Variants in BEX5 observed in about 807,000 individuals in gnomAD.
BEX5 encodes brain expressed X-linked 5, also known as protein BEX5.
Under a neutral mutation model 1.4 loss-of-function variants are expected in BEX5, and 2 were observed. That is an observed-to-expected ratio of 1.42 (90% CI 0.58 to 4.47). The LOEUF (loss-of-function observed/expected upper bound fraction) is 4.47. BEX5 is among the 30% of genes most tolerant of loss of function. The pLI, the probability that BEX5 is intolerant of heterozygous loss-of-function variation, is 0.06. For missense variants in BEX5, 97 were observed against 87.3 expected (o/e 1.11, Z -0.44); for synonymous variants, 32 against 30.0 (o/e 1.07, Z -0.21).
intron 2 of BEX5, 32 bp from the exon 3 acceptor site, chrX:102,154,334 A>C: frequency 1.0e-6 from 1 of 959,618 alleles, no homozygotes; most frequent in Non-Finnish European, 1.4e-6. Context: ...GAGGGAATGA[A>C]TGCTTGATAG....
Position 102,153,979 on chromosome X carries a change from C to T in BEX5, c.287G>A (p.Gly96Glu). 1.7e-6 allele frequency: 2 copies of T among 1,209,864 alleles called. No homozygotes were observed. Among genetic ancestry groups the T allele is most frequent in the Non-Finnish European group, 2.2e-6 (2 of 894,852 alleles). ...QLRYSLRILI[G>E]DPPHHDHHDE... is the part of the protein sequence containing the mutation. The stretch of plus-strand genomic sequence containing the variant: ...ATGATGATCATGGTGAGGAGGGTCC[C>T]CTATAAGAATGCGCAGACTGTACCT... Residue 96 changes from glycine (G) to glutamate (E), a missense_variant, in exon 3 of 3, where the codon GGG (glycine) becomes GAG (glutamate). Gly to Glu is a moderately conservative substitution (Grantham distance 98). Transcript: ENST00000333643.
rs267606293 is a variant in BEX5 at position 102,154,047 on chromosome X, C to T, written c.219G>A (p.Glu73=). 4.1e-6 allele frequency: 5 copies of T among 1,207,453 alleles called. No homozygotes were observed. In the African/African-American group the frequency reaches 8.9e-5, roughly 21 times the overall value. Residue 73 remains glutamate (E), a synonymous_variant, in exon 3 of 3, where the codon GAG becomes GAA. Coordinates refer to ENST00000333643, the MANE Select transcript of BEX5 (RefSeq NM_001012978.3). ...GDGDDMERFM[E]EMRELRRKIR... The stretch of plus-strand genomic sequence containing the variant: ...TTTTCCTCCTTAGCTCTCTCATCTC[C>T]TCCATGAACCGTTCCATATCATCTC...
chrX:102,154,712 C>T (rs1933231203), intron 2 of BEX5, 32 bp downstream of exon 2: 1 of 115,257 alleles, frequency 8.7e-6, no homozygotes, highest in Non-Finnish European at 1.8e-5. Context: ...CCTTGATACC[C>T]CTACACCAGA....
intron 1 of BEX5, chrX:102,155,483 C>G (rs1933242277): frequency 1.8e-5 from 2 of 111,964 alleles, no homozygotes; most frequent in Admixed American, 1.9e-4. Context: ...GCCCCCGCAG[C>G]CTATCATTTC....
Position 102,154,116 on chromosome X carries a change from C to A in BEX5, c.150G>T (p.Val50=). The A allele has an allele frequency of 5.0e-6, 6 of 1,210,816 alleles. No homozygotes were observed. The highest frequency in any genetic ancestry group is 6.7e-6 in the Non-Finnish European group (6 of 895,375). The change falls in exon 3 of 3, where the codon GTG becomes GTT. Residue 50 remains valine, a synonymous_variant. Transcript: ENST00000333643. ...CAATGTTATCGACAAGCCTATTGGG[C>A]ACATCCTCTCCAAAACCCGGGGCAG... ...APPAPGFGED[V]PNRLVDNIDM...
rs1556369594 is a variant in BEX5, at chrX:102,154,020, A to C, written c.246T>G (p.Ile82Met). 2 of 1,207,233 alleles carry C rather than the reference A, an allele frequency of 1.7e-6. No homozygotes were observed. The highest frequency in any genetic ancestry group is 3.6e-5 in the African/African-American group (2 of 56,327). The change falls in exon 3 of 3, where the codon ATT becomes ATG. Residue 82 changes from isoleucine (I) to methionine (M), a missense_variant. Ile to Met is a conservative substitution (Grantham distance 10). Transcript: ENST00000333643. Reference protein sequence around the residue: ...MEEMRELRRKIRELQLRYSLR... With the variant: ...MEEMRELRRKMRELQLRYSLR... ...GACTGTACCTCAACTGAAGTTCCCTAATTTTCCTCCTTAGCTCTCTCATCT... is the reference window on the plus strand; with the variant it reads ...GACTGTACCTCAACTGAAGTTCCCTCATTTTCCTCCTTAGCTCTCTCATCT...
chrX:102,155,825 C>T (rs1055600238), intron 1 of BEX5, 34 bp downstream of exon 1: 7 of 86,346 alleles, frequency 8.1e-5, no homozygotes, highest in African/African-American at 3.1e-4. Context: ...GGTCTTTGCC[C>T]TCTGCTGCTC....
Position 102,154,293 on chromosome X carries a change from T to G in BEX5, c.-28A>C. 4.5e-6 allele frequency: 5 copies of G among 1,111,447 alleles called. No homozygotes were observed. Among genetic ancestry groups the G allele is most frequent in the Non-Finnish European group, 6.0e-6 (5 of 836,069 alleles). The allele number at this position is 1,111,447 out of a possible 1,213,427, so 91.6% of individuals were successfully genotyped here. A position where few individuals can be genotyped will look rare whatever the true frequency, so the allele number is the denominator to read the frequency against. On this transcript the variant is annotated 5_prime_UTR_variant, in exon 3 of 3. Transcript: ENST00000333643. ...TGAGTTTTTTTCCTGTTTTTTTTTTTTTTTTCTTCCTAGAAGATAAAAAGC... is the reference window on the plus strand; with the variant it reads ...TGAGTTTTTTTCCTGTTTTTTTTTTGTTTTTCTTCCTAGAAGATAAAAAGC...
chrX:102,154,074 A>G lies in BEX5; in HGVS notation c.192T>C (p.Asp64=). 1 of 1,209,278 alleles carries G rather than the reference A, an allele frequency of 8.3e-7. No individual in the cohort carries two copies. Among genetic ancestry groups the G allele is most frequent in the African/African-American group, 1.8e-5 (1 of 56,983 alleles). Residue 64 remains aspartate, a synonymous_variant, in exon 3 of 3, where the codon GAT becomes GAC. Coordinates refer to ENST00000333643, the MANE Select transcript of BEX5 (RefSeq NM_001012978.3). ...CCATGAACCGTTCCATATCATCTCC[A>G]TCTCCATCTATCATATCAATGTTAT... ...LVDNIDMIDG[D]GDDMERFMEE...
intron 1 of BEX5, among the ~76,000 whole-genome samples, chrX:102,155,246 G>A (rs1602422442): frequency 9.0e-6 from 1 of 111,622 alleles, no homozygotes; most frequent in East Asian, 2.8e-4. Flanking sequence ...AGGTATGTGG[G>A]CATTGAAAAC....
rs1249946200 is a variant in BEX5, at chrX:102,154,138, G to A, written c.128C>T (p.Ala43Val). The stretch of plus-strand genomic sequence containing the variant: ...GGGCACATCCTCTCCAAAACCCGGG[G>A]CAGGTGGAGCCCAAACCCCTTTAAC... ...GNVKGVWAPP[A>V]PGFGEDVPNR... Residue 43 changes from alanine (A) to valine (V), a missense_variant, in exon 3 of 3, where the codon GCC becomes GTC. Physicochemically the swap from Ala to Val is moderately conservative, Grantham distance 64. Coordinates refer to ENST00000333643, the MANE Select transcript of BEX5 (RefSeq NM_001012978.3). The A allele has an allele frequency of 5.0e-6, 6 of 1,207,875 alleles. No homozygotes were observed. The African/African-American group carries it at 7.1e-5, about 14-fold the overall frequency.
At position 102,153,819 on chromosome X, in the gene BEX5, C is replaced by T; in HGVS notation, c.*111G>A. The T allele has an allele frequency of 1.5e-6, 1 of 660,803 alleles. No homozygotes were observed. The allele number at this position is 660,803 out of a possible 1,213,427, so 54.5% of individuals were successfully genotyped here. A position where few individuals can be genotyped will look rare whatever the true frequency, so the allele number is the denominator to read the frequency against. ...AAAACTTACAGACTAGGTCAAAATG[C>T]AATCTCCAATCAGAAAATTGCAGAA... is the stretch of plus-strand genomic sequence containing the variant. On this transcript the variant is annotated 3_prime_UTR_variant, in exon 3 of 3. Transcript: ENST00000333643.
chrX:102,154,441 A>AT (rs1489223652), intron 2 of BEX5, 139 bp from the exon 3 acceptor site: 7 of 399,362 alleles, frequency 1.8e-5, no homozygotes, highest in Non-Finnish European at 2.5e-5. Context: ...AAAGCCCATC[A>AT]TTTTCCCTGA....
At chrX:102,154,398 C>A (rs1933226417) in intron 2 of BEX5, 96 bp from the exon 3 acceptor site, 2 of 562,413 alleles carry the variant, frequency 3.6e-6, no homozygotes. Flanking sequence ...TTTATGAACC[C>A]TGTAGGGGGC....
At chrX:102,155,242 G>A (rs1264546674) in intron 1 of BEX5, among the ~76,000 whole-genome samples, 3 of 111,619 alleles carry the variant, frequency 2.7e-5, no homozygotes, top group African/African-American at 9.8e-5. Flanking sequence ...GAAGAGGTAT[G>A]TGGGCATTGA....
rs1556370163 is a variant in BEX5, at chrX:102,155,917, G to C, written c.-163C>G. The C allele has an allele frequency of 8.9e-6, 1 of 112,525 alleles. No homozygotes were observed. Among genetic ancestry groups the C allele is most frequent in the African/African-American group, 3.2e-5 (1 of 30,929 alleles). The allele number at this position is 112,525 out of a possible 1,213,427, so 9.3% of individuals were successfully genotyped here. On this transcript the variant is annotated 5_prime_UTR_variant, in exon 1 of 3. Transcript: ENST00000333643. ...TCCACCTTTCCTGGGCAGCTGGCTC[G>C]CCTGCCTTCAGGGCAACAGCGAGCC...
At position 102,154,282 on chromosome X, in the gene BEX5, G is replaced by GT. The variant is rs56933072; in HGVS notation, c.-18dup. 162,364 of 779,384 alleles carry GT rather than the reference G, an allele frequency of 0.21. 91 individuals are homozygous for GT. The highest frequency in any genetic ancestry group is 0.24 in the East Asian group (5,519 of 22,923). The allele number at this position is 779,384 out of a possible 1,213,427, so 64.2% of individuals were successfully genotyped here. A position where few individuals can be genotyped will look rare whatever the true frequency, so the allele number is the denominator to read the frequency against. ...ATTTTCCATGTTGAGTTTTTTTCCTGTTTTTTTTTTTTTTTTCTTCCTAGA... is the reference window on the plus strand; with the variant it reads ...ATTTTCCATGTTGAGTTTTTTTCCTGTTTTTTTTTTTTTTTTTCTTCCTAGA... On this transcript the variant is annotated 5_prime_UTR_variant, in exon 3 of 3. Transcript: ENST00000333643.
chrX:102,154,868 G>C (rs1443581518), intron 1 of BEX5, 58 bp from the exon 2 acceptor site: 1 of 111,793 alleles, frequency 8.9e-6, no homozygotes, highest in Non-Finnish European at 1.9e-5. Flanking sequence ...ACCGGTAATG[G>C]GAGTTGATTT....
rs782313803 is a variant in BEX5, at chrX:102,153,883, A to T, written c.*47T>A. ...TTCACATTAAAGGTACACCAGGAAA[A>T]ATGCGAATTTAGAAAGCAGGGATTT... is the stretch of plus-strand genomic sequence containing the variant. On this transcript the variant is annotated 3_prime_UTR_variant, in exon 3 of 3. Transcript: ENST00000333643. The T allele has an allele frequency of 9.2e-7, 1 of 1,086,433 alleles. No individual in the cohort carries two copies. The highest frequency in any genetic ancestry group is 1.2e-6 in the Non-Finnish European group (1 of 809,117). The allele number at this position is 1,086,433 out of a possible 1,213,427, so 89.5% of individuals were successfully genotyped here. A position where few individuals can be genotyped will look rare whatever the true frequency, so the allele number is the denominator to read the frequency against.
Sources: gnomAD v4.1 joint callset for allele counts (sites outside exome capture counted in the v4.1 genomes callset) on GRCh38, gnomAD v4.1.1 for gene constraint, MANE v1.5 for transcripts, NCBI Gene and HGNC (gene_info 2026-07-23, HGNC 2026-07-21) for gene names.